BCAR3: variants seen among roughly 807,000 people sequenced by gnomAD.
BCAR3 encodes BCAR3 adaptor protein, NSP family member.
In BCAR3, 37 loss-of-function variants were observed where a neutral mutation model predicts 80.1. The ratio of observed to expected loss-of-function variants is 0.46; its 90% CI spans 0.36 to 0.61. The LOEUF (loss-of-function observed/expected upper bound fraction) is 0.61, where lower values mean the gene tolerates loss of function less well. Among genes scored for constraint, BCAR3 ranks in the 20% least tolerant of loss-of-function variants. The pLI, the probability that BCAR3 is intolerant of heterozygous loss-of-function variation, is 0.00. For synonymous variants in BCAR3, 389 were observed against 418.9 expected (o/e 0.93, Z 0.87); for missense variants, 978 against 1,068.2 (o/e 0.92, Z 1.18).
At chr1:93,619,350 C>T (rs1482791649) in intron 3 of BCAR3, among the ~76,000 whole-genome samples, 1 of 152,114 alleles carries the variant, frequency 6.6e-6, no homozygotes, top group African/African-American at 2.4e-5. Context: ...ACCCATTCTC[C>T]CTCTTGGACA....
rs113089085 is a variant in BCAR3 at position 93,625,143 on chromosome 1, A to G, written c.357+17161T>C. Among the ~76,000 whole-genome samples the G allele has an allele frequency of 6.5e-3, 993 of 152,290 alleles. 13 individuals are homozygous for G. Among genetic ancestry groups the G allele is most frequent in the African/African-American group, 0.023 (945 of 41,560 alleles). On this transcript the variant is annotated intron_variant, in intron 3 of 11. Coordinates refer to ENST00000260502, the MANE Select transcript of BCAR3 (RefSeq NM_003567.4). ...GGAGAATGGCGTGAACCCAGGAGGC[A>G]GAGCTTGCAATGAGCCAAGATTGCA...
chr1:93,800,997 C>T (rs1262844207), intron 2 of BCAR3, among the ~76,000 whole-genome samples: 2 of 152,176 alleles, frequency 1.3e-5, no homozygotes, highest in Non-Finnish European at 2.9e-5. Flanking sequence ...TCAACTAATG[C>T]TTTCGTTTAT....
intron 8 of BCAR3, among the ~76,000 whole-genome samples, chr1:93,574,942 A>G (rs948434504): frequency 2.0e-5 from 3 of 152,180 alleles, no homozygotes; most frequent in Non-Finnish European, 4.4e-5. Context: ...GGTATTTTCT[A>G]TGGGATGTAT....
chr1:93,644,137 T>C (rs1676080012), intron 2 of BCAR3, among the ~76,000 whole-genome samples: 1 of 152,252 alleles, frequency 6.6e-6, no homozygotes, highest in East Asian at 1.9e-4. Context: ...CCTGCAAAAC[T>C]GTCCTTTGTG....
intron 1 of BCAR3, among the ~76,000 whole-genome samples, chr1:93,680,810 G>A (rs1648721309): frequency 6.6e-6 from 1 of 152,184 alleles, no homozygotes; most frequent in Admixed American, 6.5e-5. Flanking sequence ...AGATGCTTCG[G>A]AGTCCGCTCA....
chr1:93,735,045 G>C (rs895201868), intron 2 of BCAR3, among the ~76,000 whole-genome samples: 1 of 152,172 alleles, frequency 6.6e-6, no homozygotes, highest in Non-Finnish European at 1.5e-5. Flanking sequence ...CTTGAGGCAG[G>C]GATGGTGCCT....
chr1:93,680,928 C>T (rs1648727647), intron 1 of BCAR3, among the ~76,000 whole-genome samples: 1 of 152,176 alleles, frequency 6.6e-6, no homozygotes, highest in Admixed American at 6.5e-5. Context: ...CTATCGGAAC[C>T]TCCTTCCCAC....
chr1:93,781,881 CTT>C (rs1320672728), intron 2 of BCAR3, among the ~76,000 whole-genome samples: 1 of 152,216 alleles, frequency 6.6e-6, no homozygotes, highest in Non-Finnish European at 1.5e-5. Context: ...AATCATATCT[CTT>C]CAACTTTATC....
chr1:93,570,513 A>G (rs1010800724), intron 9 of BCAR3, among the ~76,000 whole-genome samples: 1 of 152,184 alleles, frequency 6.6e-6, no homozygotes, highest in African/African-American at 2.4e-5. Flanking sequence ...GACTTCAGAT[A>G]CAGATATTCA....
At chr1:93,839,940 C>T (rs1282243596) in intron 2 of BCAR3, among the ~76,000 whole-genome samples, 1 of 152,130 alleles carries the variant, frequency 6.6e-6, no homozygotes, top group Non-Finnish European at 1.5e-5. Context: ...GGGCCGAGAG[C>T]CTGCATTTCT....
intron 2 of BCAR3, among the ~76,000 whole-genome samples, chr1:93,794,273 T>A (rs1430899571): frequency 1.3e-4 from 8 of 61,064 alleles, no homozygotes; most frequent in African/African-American, 4.9e-4. Flanking sequence ...TCTCCCATTA[T>A]TAATGTGTGG....
intron 2 of BCAR3, among the ~76,000 whole-genome samples, chr1:93,661,402 G>A (rs551174989): frequency 1.3e-5 from 2 of 151,862 alleles, no homozygotes; most frequent in African/African-American, 2.4e-5. Flanking sequence ...GGCTGGTCTC[G>A]AACTCCTGAC....
chr1:93,815,650 T>C (rs1653992663), intron 2 of BCAR3, among the ~76,000 whole-genome samples: 1 of 152,160 alleles, frequency 6.6e-6, no homozygotes, highest in African/African-American at 2.4e-5. Context: ...ATGTGTGAGA[T>C]ACCATTGCCT....
intron 2 of BCAR3, among the ~76,000 whole-genome samples, chr1:93,732,059 ACT>A (rs954933127): frequency 4.0e-4 from 61 of 152,152 alleles, no homozygotes; most frequent in African/African-American, 1.4e-3. Flanking sequence ...TCCAGGAGAG[ACT>A]CTACTCTCCA....
intron 7 of BCAR3, among the ~76,000 whole-genome samples, chr1:93,578,514 G>A (rs1673555837): frequency 6.6e-6 from 1 of 152,082 alleles, no homozygotes; most frequent in Admixed American, 6.5e-5. Flanking sequence ...AAGTGTCTGT[G>A]CATGTGCGTT....
At chr1:93,749,996 T>G (rs893302538) in intron 2 of BCAR3, among the ~76,000 whole-genome samples, 2 of 152,096 alleles carry the variant, frequency 1.3e-5, no homozygotes, top group African/African-American at 4.8e-5. Context: ...AGAATTGGTC[T>G]CAGTTGAAGG....
chr1:93,643,854 T>C (rs569996168), intron 2 of BCAR3, among the ~76,000 whole-genome samples: 2 of 152,352 alleles, frequency 1.3e-5, no homozygotes, highest in Admixed American at 6.5e-5. Context: ...TCAACTTTAG[T>C]AACCTTTTAA....
intron 2 of BCAR3, chr1:93,775,225 G>A (rs1288411352): frequency 6.6e-6 from 1 of 152,230 alleles, no homozygotes; most frequent in African/African-American, 2.4e-5. Context: ...TGAATCTCAT[G>A]GTGCTGATGC....
intron 1 of BCAR3, among the ~76,000 whole-genome samples, chr1:93,675,925 C>CAAAAAAAAAAAAAAAAAAAAAAAAA (rs58706715): frequency 1.9e-5 from 1 of 51,440 alleles, no homozygotes; most frequent in Non-Finnish European, 4.2e-5. Context: ...AAATAGGAGA[C>CAAAAAAAAAAAAAAAAAAAAAAAAA]AAAAAAAAAA....
Sources: allele counts gnomAD v4.1 joint callset (sites outside exome capture counted in the v4.1 genomes callset), GRCh38; gene constraint gnomAD v4.1.1; transcripts MANE v1.5; gene names NCBI Gene and HGNC (gene_info 2026-07-23, HGNC 2026-07-21).